Variants in WDR49 observed in about 807,000 individuals in gnomAD.
WDR49 encodes the protein WD repeat domain 49.
WDR49 carries 107 observed loss-of-function variants against 119.5 expected under a neutral mutation model. The observed-to-expected ratio is 0.90, with a 90% confidence interval of 0.77 to 1.05. The LOEUF is 1.05. Among genes scored for constraint, WDR49 ranks in the 50% least tolerant of loss-of-function variants. The pLI is 0.00. For missense variants in WDR49, 1,240 were observed against 1,220.5 expected (o/e 1.02, Z -0.24); for synonymous variants, 425 against 418.8 (o/e 1.01, Z -0.18).
At chr3:167,503,057 A>C (rs1010253348) in intron 17 of WDR49, among the ~76,000 whole-genome samples, 2 of 152,196 alleles carry the variant, frequency 1.3e-5, no homozygotes, top group Non-Finnish European at 2.9e-5. Flanking sequence ...GCATAGAAGG[A>C]ATACACCACT....
chr3:167,581,517 A>G (rs565170609), intron 7 of WDR49, among the ~76,000 whole-genome samples: 3 of 152,212 alleles, frequency 2.0e-5, no homozygotes, highest in Non-Finnish European at 4.4e-5. Context: ...AAAAAGGTAC[A>G]TTGTGAGGAT....
Position 167,653,569 on chromosome 3 carries a change from C to G in WDR49, c.-74-70G>C, listed in dbSNP as rs1718490014. The G allele has an allele frequency of 6.2e-6, 6 of 960,078 alleles. No homozygotes were observed. The Middle Eastern group carries it at 1.2e-3, about 197-fold the overall frequency. 59.5% of individuals were successfully genotyped at this position (960,078 alleles called of 1,614,324 possible). On this transcript the variant is annotated intron_variant, in intron 1 of 18. Transcript: ENST00000682715. Reference sequence around the variant, plus strand: ...GTACAAACCTTTCAAGGCATACGATCAGGAGGCAAAATGTTCAAGCTGAGG... The same window carrying G: ...GTACAAACCTTTCAAGGCATACGATGAGGAGGCAAAATGTTCAAGCTGAGG...
chr3:167,651,747 C>T (rs1273411681), intron 2 of WDR49, among the ~76,000 whole-genome samples: 3 of 152,066 alleles, frequency 2.0e-5, no homozygotes, highest in African/African-American at 7.2e-5. Context: ...GTGGTCTGGC[C>T]TTTGAAATAT....
intron 18 of WDR49, among the ~76,000 whole-genome samples, chr3:167,495,495 T>G: frequency 6.6e-6 from 1 of 152,126 alleles, no homozygotes; most frequent in East Asian, 1.9e-4. Context: ...TGTTTTTCCA[T>G]TTTATTTATT....
chr3:167,646,896 CAAGG>C (rs1203416237), intron 2 of WDR49, among the ~76,000 whole-genome samples: 1 of 152,018 alleles, frequency 6.6e-6, no homozygotes, highest in Non-Finnish European at 1.5e-5. Context: ...GAAAAGACCC[CAAGG>C]GGCTTTTTCT....
chr3:167,603,874 C>T (rs914913913), intron 6 of WDR49, among the ~76,000 whole-genome samples: 7 of 151,796 alleles, frequency 4.6e-5, no homozygotes, highest in South Asian at 2.1e-4. Flanking sequence ...CTACATTTTG[C>T]GGTTCTCTTG....
intron 7 of WDR49, among the ~76,000 whole-genome samples, chr3:167,599,428 C>A (rs1560306192): frequency 6.6e-6 from 1 of 152,116 alleles, no homozygotes; most frequent in Non-Finnish European, 1.5e-5. Context: ...GATTAAGGCT[C>A]TTCAGTCAGC....
At chr3:167,613,458 A>G (rs1006621135) in intron 5 of WDR49, among the ~76,000 whole-genome samples, 14 of 152,206 alleles carry the variant, frequency 9.2e-5, no homozygotes, top group African/African-American at 3.4e-4. Flanking sequence ...ATAGTGACAG[A>G]ACTGGCAGGA....
At chr3:167,565,842 G>GA (rs954941076) in intron 8 of WDR49, among the ~76,000 whole-genome samples, 19 of 146,984 alleles carry the variant, frequency 1.3e-4, no homozygotes, top group Admixed American at 2.7e-4. Context: ...TTCAAAAGTA[G>GA]AAAAAAAAAA....
At chr3:167,526,575 G>A (rs1185334834) in intron 15 of WDR49, among the ~76,000 whole-genome samples, 1 of 152,066 alleles carries the variant, frequency 6.6e-6, no homozygotes, top group East Asian at 1.9e-4. Context: ...TTCCCACTTA[G>A]CCGCTTTTTT....
intron 7 of WDR49, among the ~76,000 whole-genome samples, chr3:167,578,418 A>T (rs989894757): frequency 6.6e-6 from 1 of 152,054 alleles, no homozygotes; most frequent in African/African-American, 2.4e-5. Context: ...TTTCCACAAC[A>T]CTAAATAATA....
chr3:167,641,794 T>G (rs1031432969), intron 2 of WDR49, among the ~76,000 whole-genome samples: 1 of 151,824 alleles, frequency 6.6e-6, no homozygotes, highest in African/African-American at 2.4e-5. Context: ...CAAACTACAT[T>G]TAACAAAAGA....
At chr3:167,652,055 T>A (rs1272674941) in intron 2 of WDR49, among the ~76,000 whole-genome samples, 4 of 152,226 alleles carry the variant, frequency 2.6e-5, no homozygotes, top group Non-Finnish European at 5.9e-5. Flanking sequence ...GTTTGCTATG[T>A]CTATCAAAAT....
At chr3:167,499,544 G>T (rs1458546810) in intron 18 of WDR49, among the ~76,000 whole-genome samples, 2 of 152,302 alleles carry the variant, frequency 1.3e-5, no homozygotes, top group East Asian at 1.9e-4. Context: ...TTTGCTGGAA[G>T]AATTTTTCTA....
At chr3:167,568,436 C>T (rs58015065) in intron 8 of WDR49, among the ~76,000 whole-genome samples, 39,756 of 152,046 alleles carry the variant, frequency 0.26, 5,412 homozygotes, top group African/African-American at 0.32. Flanking sequence ...CACATAAGAC[C>T]TGTATTTTCA....
At chr3:167,588,380 T>A (rs1053612446) in intron 7 of WDR49, among the ~76,000 whole-genome samples, 6 of 152,288 alleles carry the variant, frequency 3.9e-5, no homozygotes, top group Admixed American at 2.6e-4. Flanking sequence ...TGCTTCCTAA[T>A]CTTGGCTATT....
intron 16 of WDR49, among the ~76,000 whole-genome samples, chr3:167,512,058 C>G (rs562881860): frequency 2.0e-5 from 3 of 152,274 alleles, no homozygotes; most frequent in African/African-American, 7.2e-5. Context: ...GCAGTCCAGA[C>G]GAGTGGAATT....
Position 167,523,989 on chromosome 3 carries a change from T to C in WDR49, c.2605-1505A>G, listed in dbSNP as rs747411295. Among the ~76,000 whole-genome samples the C allele has an allele frequency of 2.3e-4, 35 of 152,180 alleles. 1 individual carries two copies. Among genetic ancestry groups the C allele is most frequent in the Non-Finnish European group, 1.0e-4 (7 of 68,016 alleles). On this transcript the variant is annotated intron_variant, in intron 15 of 18. Transcript: ENST00000682715. ...GTTGCCACACTGTCTTCCACAGTGG[T>C]TGAACTAATTTGCACTCTCACCAAC...
intron 7 of WDR49, among the ~76,000 whole-genome samples, chr3:167,589,056 G>T (rs1373134371): frequency 6.6e-6 from 1 of 152,058 alleles, no homozygotes; most frequent in African/African-American, 2.4e-5. Context: ...TTATTTAGCA[G>T]ATTCATAGTT....
Sources: allele counts gnomAD v4.1 joint callset (sites outside exome capture counted in the v4.1 genomes callset), GRCh38; gene constraint gnomAD v4.1.1; transcripts MANE v1.5; gene names NCBI Gene and HGNC (gene_info 2026-07-23, HGNC 2026-07-21).